The following MGAT4C variants were observed in gnomAD, a reference collection of about 807,000 sequenced individuals.
MGAT4C encodes alpha-1,3-mannosyl-glycoprotein 4-beta-N-acetylglucosaminyltransferase C.
Under a neutral mutation model 40.1 loss-of-function variants are expected in MGAT4C, and 19 were observed. The ratio of observed to expected loss-of-function variants is 0.47; its 90% CI spans 0.33 to 0.70. The LOEUF (loss-of-function observed/expected upper bound fraction) is 0.70, where lower values mean the gene tolerates loss of function less well. Among genes scored for constraint, MGAT4C ranks in the 30% least tolerant of loss-of-function variants. The pLI is 0.02. For synonymous variants in MGAT4C, 181 were observed against 187.1 expected, an observed-to-expected ratio of 0.97 and a Z score of 0.27; for missense variants, 491 against 563.2, an observed-to-expected ratio of 0.87 and a Z score of 1.30.
intron 2 of MGAT4C, among the ~76,000 whole-genome samples, chr12:86,696,805 A>T (rs1347623192): frequency 5.3e-5 from 8 of 152,106 alleles, no homozygotes; most frequent in Non-Finnish European, 1.2e-4. Context: ...TTTTTTTAAT[A>T]TGAGCCCACT....
intron 2 of MGAT4C, among the ~76,000 whole-genome samples, chr12:86,462,103 T>C (rs1592875935): frequency 6.6e-6 from 1 of 152,220 alleles, no homozygotes; most frequent in South Asian, 2.1e-4. Flanking sequence ...TAAACTAATA[T>C]GGGCATTAAA....
chr12:86,292,805 T>C, intron 4 of MGAT4C, among the ~76,000 whole-genome samples: 1 of 151,836 alleles, frequency 6.6e-6, no homozygotes, highest in East Asian at 1.9e-4. Flanking sequence ...TATTTATTAT[T>C]AGTGGGAAAA....
At chr12:86,351,379 G>T (rs1489850485) in intron 3 of MGAT4C, among the ~76,000 whole-genome samples, 2 of 151,988 alleles carry the variant, frequency 1.3e-5, no homozygotes, top group South Asian at 2.1e-4. Context: ...CAGATGCAGA[G>T]ATAATGTACA....
At chr12:86,311,390 T>C (rs1178342606) in intron 4 of MGAT4C, among the ~76,000 whole-genome samples, 1 of 152,246 alleles carries the variant, frequency 6.6e-6, no homozygotes, top group Non-Finnish European at 1.5e-5. Context: ...CCGGTGCATA[T>C]GCGGTCTGTC....
At chr12:86,060,758 C>A (rs1428816813) in intron 1 of MGAT4C, among the ~76,000 whole-genome samples, 1 of 151,996 alleles carries the variant, frequency 6.6e-6, no homozygotes, top group Non-Finnish European at 1.5e-5. Flanking sequence ...GGACTCATTT[C>A]TTTTTTCAGG....
At chr12:86,128,027 G>C (rs555084846) in intron 1 of MGAT4C, among the ~76,000 whole-genome samples, 1 of 152,272 alleles carries the variant, frequency 6.6e-6, no homozygotes, top group South Asian at 2.1e-4. Context: ...GCATTATCAA[G>C]TATTCTGCAC....
At chr12:86,088,467 G>A (rs940703029) in intron 1 of MGAT4C, among the ~76,000 whole-genome samples, 9 of 151,826 alleles carry the variant, frequency 5.9e-5, no homozygotes, top group African/African-American at 1.4e-4. Flanking sequence ...TTATATTTGC[G>A]AACTATCTAT....
intron 2 of MGAT4C, among the ~76,000 whole-genome samples, chr12:86,485,481 T>C (rs1184990346): frequency 8.5e-6 from 1 of 117,378 alleles, no homozygotes; most frequent in Admixed American, 9.3e-5. Context: ...AAATTAGGAA[T>C]GTCAGAAATT....
chr12:86,553,467 AG>A (rs10712077), intron 2 of MGAT4C, among the ~76,000 whole-genome samples: 131,440 of 151,992 alleles, frequency 0.86, 57,124 homozygotes, highest in East Asian at 1. Flanking sequence ...CCCATAACTA[AG>A]TAAATCCAGT....
chr12:86,622,028 T>C (rs1447124772), intron 2 of MGAT4C, among the ~76,000 whole-genome samples: 4 of 152,194 alleles, frequency 2.6e-5, no homozygotes, highest in African/African-American at 9.6e-5. Context: ...TTTACTCAAC[T>C]GTAGGCTAAT....
intron 3 of MGAT4C, among the ~76,000 whole-genome samples, chr12:86,396,496 A>C (rs1205052634): frequency 6.6e-6 from 1 of 152,212 alleles, no homozygotes; most frequent in East Asian, 1.9e-4. Context: ...CAGGAAATTA[A>C]TGCTCTTGGC....
chr12:86,104,959 T>A (rs567802936), intron 1 of MGAT4C, among the ~76,000 whole-genome samples: 21 of 152,270 alleles, frequency 1.4e-4, no homozygotes, highest in African/African-American at 4.6e-4. Flanking sequence ...TTTTGTCTCA[T>A]GTATCCTCAC....
chr12:86,533,033 G>A (rs909940702), intron 2 of MGAT4C, among the ~76,000 whole-genome samples: 3 of 151,908 alleles, frequency 2.0e-5, no homozygotes, highest in African/African-American at 7.3e-5. Context: ...TATCAGATAA[G>A]AAAACTAAGC....
intron 1 of MGAT4C, among the ~76,000 whole-genome samples, chr12:86,093,031 G>T (rs1012886494): frequency 6.6e-6 from 1 of 151,852 alleles, no homozygotes; most frequent in Non-Finnish European, 1.5e-5. Flanking sequence ...ACAGACCCCT[G>T]TGTGTGATAT....
chr12:86,055,805 G>A (rs188026106), intron 1 of MGAT4C, among the ~76,000 whole-genome samples: 1 of 151,760 alleles, frequency 6.6e-6, no homozygotes, highest in African/African-American at 2.4e-5. Context: ...GTTTTCATTT[G>A]ATCTTTACTT....
chr12:86,514,412 A>C (rs1222638634), intron 2 of MGAT4C, among the ~76,000 whole-genome samples: 1 of 152,134 alleles, frequency 6.6e-6, no homozygotes, highest in Non-Finnish European at 1.5e-5. Flanking sequence ...AGAGATCTAA[A>C]ATTGGTCTCA....
chr12:86,574,987 T>C (rs2136426418), intron 2 of MGAT4C, among the ~76,000 whole-genome samples: 1 of 151,868 alleles, frequency 6.6e-6, no homozygotes, highest in East Asian at 1.9e-4. Flanking sequence ...CACTTTCTAT[T>C]TCACTTCAAA....
intron 2 of MGAT4C, among the ~76,000 whole-genome samples, chr12:86,666,706 GA>G (rs1964115977): frequency 6.6e-6 from 1 of 152,090 alleles, no homozygotes; most frequent in African/African-American, 2.4e-5. Context: ...ATACCTTTGA[GA>G]AAAAGATTTC....
chr12:86,245,480 T>C (rs1951987399), intron 1 of MGAT4C, among the ~76,000 whole-genome samples: 1 of 152,198 alleles, frequency 6.6e-6, no homozygotes, highest in Admixed American at 6.5e-5. Context: ...CCTCAAATTG[T>C]TTTTGGGTCT....
Sources: gnomAD v4.1 joint callset for allele counts (sites outside exome capture counted in the v4.1 genomes callset) on GRCh38, gnomAD v4.1.1 for gene constraint, MANE v1.5 for transcripts, NCBI Gene and HGNC (gene_info 2026-07-23, HGNC 2026-07-21) for gene names.